LRATD1: variants seen among roughly 807,000 people sequenced by gnomAD.
LRATD1 encodes protein LRATD1.
Under a neutral mutation model 21.3 loss-of-function variants are expected in LRATD1, and 8 were observed. The ratio of observed to expected loss-of-function variants is 0.38; its 90% CI spans 0.22 to 0.68. The LOEUF is 0.68. LRATD1 is among the 30% of genes least tolerant of loss of function. LRATD1 has a pLI of 0.54. For missense variants in LRATD1, 380 were observed against 404.0 expected (o/e 0.94, Z 0.51); for synonymous variants, 210 against 186.2 (o/e 1.13, Z -1.04).
rs752120929 is a variant in LRATD1, at chr2:14,640,026, G to A, written c.*5168G>A. ...GCTTTTAGCAGAGAAAACAATAAAA[G>A]AATCCAGGAAAAGTAGAAAATGTTC... On this transcript the variant is annotated 3_prime_UTR_variant, in exon 2 of 2. Transcript: ENST00000295092. The A allele has an allele frequency of 1.3e-4, 22 of 167,078 alleles. No individual in the cohort carries two copies. Among genetic ancestry groups the A allele is most frequent in the Non-Finnish European group, 2.9e-5 (2 of 68,096 alleles). The allele number at this position is 167,078 out of a possible 1,614,324, so 10.3% of individuals were successfully genotyped here.
In LRATD1 at chr2:14,633,903, C is replaced by T. The variant is rs1671610773; in HGVS notation, c.-36-41C>T. 5 of 1,521,852 alleles carry T rather than the reference C, an allele frequency of 3.3e-6. No homozygotes were observed. The South Asian group carries it at 5.2e-5, about 16-fold the overall frequency. The allele number at this position is 1,521,852 out of a possible 1,614,324, so 94.3% of individuals were successfully genotyped here. A position where few individuals can be genotyped will look rare whatever the true frequency, so the allele number is the denominator to read the frequency against. The stretch of plus-strand genomic sequence containing the variant: ...GGGGAGGGACACCGAAAGGGGCAGC[C>T]CGGACTCTGACGGTGTCTCTGCCTC... On this transcript the variant is annotated intron_variant, in intron 1 of 1. Transcript: ENST00000295092. This position sits in a 1 kb window ranked among gnomAD's most constrained non-coding sequence, Gnocchi z 7.5.
chr2:14,634,959 C>A lies in LRATD1; in HGVS notation c.*101C>A. The A allele has an allele frequency of 7.1e-7, 1 of 1,408,504 alleles. No individual in the cohort carries two copies. Among genetic ancestry groups the A allele is most frequent in the African/African-American group, 1.4e-5 (1 of 69,380 alleles). 87.3% of individuals were successfully genotyped at this position (1,408,504 alleles called of 1,614,324 possible). ...TCAGCGGTTCTCAACCTCTGCCCCG[C>A]CCCGCCACGCGCGTCCGCCGCCGGT... On this transcript the variant is annotated 3_prime_UTR_variant, in exon 2 of 2. Coordinates refer to ENST00000295092, the MANE Select transcript of LRATD1 (RefSeq NM_145175.4).
In LRATD1 at chr2:14,634,725, T is replaced by G. The variant is rs781465760; in HGVS notation, c.746T>G (p.Leu249Arg). Residue 249 changes from leucine to arginine, a missense_variant, in exon 2 of 2, where the codon CTG (leucine) becomes CGG (arginine). By Grantham distance (102) the Leu-to-Arg change is moderately radical. Transcript: ENST00000295092. ...PQQQYYLKVHLGENKVHTARF... is the reference protein window; with the variant it reads ...PQQQYYLKVHRGENKVHTARF... ...CAGCAGTACTATCTCAAGGTGCACC[T>G]GGGAGAGAACAAGGTCCACACCGCC... is the stretch of plus-strand genomic sequence containing the variant. 3.8e-6 allele frequency: 6 copies of G among 1,559,736 alleles called. No individual in the cohort carries two copies. The South Asian group carries it at 5.9e-5, about 15-fold the overall frequency.
At position 14,633,673 on chromosome 2, in the gene LRATD1, GC is replaced by G. The variant is rs967777962; in HGVS notation, c.-36-269del. 5.3e-6 allele frequency: 2 copies of G among 376,068 alleles called. No homozygotes were observed. The highest frequency in any genetic ancestry group is 4.0e-5 in the African/African-American group (2 of 49,786). 23.3% of individuals were successfully genotyped at this position (376,068 alleles called of 1,614,324 possible). On this transcript the variant is annotated intron_variant, in intron 1 of 1. Transcript: ENST00000295092. The surrounding 1 kb of genome is among the most constrained non-coding windows in gnomAD (Gnocchi z 7.5). ...CCACCGGGACCCCGCAAGCTCTCCA[GC>G]CAGCCTGGGTGTTTTCTTCTGGGAG... is the stretch of plus-strand genomic sequence containing the variant.
exon 3 of LRATD1, chr2:14,646,171 G>A (rs1008207705): frequency 3.9e-5 from 6 of 152,186 alleles, no homozygotes; most frequent in African/African-American, 1.2e-4. Flanking sequence ...GTAGTGGCCA[G>A]TTAATGAAGA....
chr2:14,649,663 C>A (rs1671968330), downstream of LRATD1: 3 of 261,054 alleles, frequency 1.1e-5, no homozygotes, highest in Admixed American at 1.3e-4. Flanking sequence ...TTGTGCTAGG[C>A]CTGAGGTGAG....
downstream of LRATD1, among the ~76,000 whole-genome samples, chr2:14,640,389 T>C (rs142866346): frequency 2.0e-5 from 3 of 152,322 alleles, no homozygotes; most frequent in Non-Finnish European, 4.4e-5. Context: ...TGAACATGAG[T>C]TCTGAACTTT....
At chr2:14,647,677 C>G (rs1671918831) in intron 4 of LRATD1, among the ~76,000 whole-genome samples, 1 of 152,170 alleles carries the variant, frequency 6.6e-6, no homozygotes, top group Non-Finnish European at 1.5e-5. Flanking sequence ...GAGAATATAG[C>G]AATCTGTAAC....
In LRATD1 at chr2:14,639,015, A is replaced by C. The variant is rs1671753199; in HGVS notation, c.*4157A>C. 1 of 166,782 alleles carries C rather than the reference A, an allele frequency of 6.0e-6. No individual in the cohort carries two copies. Among genetic ancestry groups the C allele is most frequent in the African/African-American group, 2.4e-5 (1 of 41,392 alleles). 10.3% of individuals were successfully genotyped at this position (166,782 alleles called of 1,614,324 possible). ...ACATATGTACATTTACACATATGTAAGTATACACTCATATACATATATACA... is the reference window on the plus strand; with the variant it reads ...ACATATGTACATTTACACATATGTACGTATACACTCATATACATATATACA... On this transcript the variant is annotated 3_prime_UTR_variant, in exon 2 of 2. Transcript: ENST00000295092.
chr2:14,644,755 G>A (rs1380116785), downstream of LRATD1, among the ~76,000 whole-genome samples: 1 of 152,028 alleles, frequency 6.6e-6, no homozygotes, highest in Non-Finnish European at 1.5e-5. Context: ...CTCACCCAAG[G>A]AGAGAGGCCG....
At position 14,633,351 on chromosome 2, in the gene LRATD1, GGTGTAT is replaced by G. The variant is rs1272731550; in HGVS notation, c.-37+418_-37+423del. Among the ~76,000 whole-genome samples the G allele has an allele frequency of 6.6e-6, 1 of 152,150 alleles. No homozygotes were observed. The highest frequency in any genetic ancestry group is 6.5e-5 in the Admixed American group (1 of 15,278). On this transcript the variant is annotated intron_variant, in intron 1 of 1. Coordinates refer to ENST00000295092, the MANE Select transcript of LRATD1 (RefSeq NM_145175.4). This position sits in a 1 kb window ranked among gnomAD's most constrained non-coding sequence, Gnocchi z 7.5. ...GTCGTCGCGAAGGTTTGTCATTGTG[GGTGTAT>G]GTGACATACACCAGTATACCAGGCT...
chr2:14,639,017 T>C lies in LRATD1; in HGVS notation c.*4159T>C, dbSNP rs1292856892. On this transcript the variant is annotated 3_prime_UTR_variant, in exon 2 of 2. Coordinates refer to ENST00000295092, the MANE Select transcript of LRATD1 (RefSeq NM_145175.4). ...ATATGTACATTTACACATATGTAAGTATACACTCATATACATATATACACA... is the reference window on the plus strand; with the variant it reads ...ATATGTACATTTACACATATGTAAGCATACACTCATATACATATATACACA... The C allele has an allele frequency of 6.0e-6, 1 of 166,826 alleles. No individual in the cohort carries two copies. Among genetic ancestry groups the C allele is most frequent in the Non-Finnish European group, 1.5e-5 (1 of 68,080 alleles). The allele number at this position is 166,826 out of a possible 1,614,324, so 10.3% of individuals were successfully genotyped here. A position where few individuals can be genotyped will look rare whatever the true frequency, so the allele number is the denominator to read the frequency against.
chr2:14,642,377 C>A (rs2103412052), downstream of LRATD1, among the ~76,000 whole-genome samples: 1 of 152,214 alleles, frequency 6.6e-6, no homozygotes, highest in South Asian at 2.1e-4. Context: ...ATAGATTTTT[C>A]TCCTCTTGGT....
rs1671689963 is a variant in LRATD1, at chr2:14,636,433, TG to T, written c.*1577del. On this transcript the variant is annotated 3_prime_UTR_variant, in exon 2 of 2. Coordinates refer to ENST00000295092, the MANE Select transcript of LRATD1 (RefSeq NM_145175.4). Reference sequence around the variant, plus strand: ...TTGGTGGCTTTTTCCCCCTCCTCTTTGGCCAGTTCCACAGTTCAGTTCTTCC... The same window carrying T: ...TTGGTGGCTTTTTCCCCCTCCTCTTTGCCAGTTCCACAGTTCAGTTCTTCC... The T allele has an allele frequency of 6.0e-6, 1 of 167,166 alleles. No homozygotes were observed. Among genetic ancestry groups the T allele is most frequent in the Non-Finnish European group, 1.5e-5 (1 of 68,144 alleles). The allele number at this position is 167,166 out of a possible 1,614,324, so 10.4% of individuals were successfully genotyped here.
At chr2:14,650,012 C>G (rs1483876042), downstream of LRATD1, 2 of 152,604 alleles carry the variant, frequency 1.3e-5, no homozygotes, top group Non-Finnish European at 2.9e-5. Context: ...TCTGCTGGCA[C>G]CTTGATCTTG....
rs116113974 is a variant in LRATD1 at position 14,646,842 on chromosome 2, C to T, written n.436+377C>T. 6.0e-3 allele frequency among the ~76,000 whole-genome samples: 921 copies of T among 152,294 alleles called. 2 individuals carry two copies. The highest frequency in any genetic ancestry group is 0.034 in the Middle Eastern group (10 of 294). On this transcript the variant is annotated intron_variant and non_coding_transcript_variant, in intron 4 of 5. Transcript: ENST00000464947. ...CTGCAGTAAAACAAGTTACCCATGA[C>T]CATTCTCATTAAAACATATCTGGTA...
At position 14,635,355 on chromosome 2, in the gene LRATD1, G is replaced by T; in HGVS notation, c.*497G>T. 2.1e-6 allele frequency: 1 copy of T among 475,438 alleles called. No individual in the cohort carries two copies. The allele number at this position is 475,438 out of a possible 1,614,324, so 29.5% of individuals were successfully genotyped here. On this transcript the variant is annotated 3_prime_UTR_variant, in exon 2 of 2. Transcript: ENST00000295092. ...TCTGTGGATGCGTCCCCAGATCGCA[G>T]GATTTCCAAGAAATCGAGCCTGTCC... is the stretch of plus-strand genomic sequence containing the variant.
At position 14,634,391 on chromosome 2, in the gene LRATD1, C is replaced by T. The variant is rs1671630975; in HGVS notation, c.412C>T (p.Pro138Ser). 2 of 1,538,892 alleles carry T rather than the reference C, an allele frequency of 1.3e-6. No homozygotes were observed. Among genetic ancestry groups the T allele is most frequent in the African/African-American group, 2.7e-5 (2 of 73,234 alleles). ...LLWLQPAPEP[P>S]APAPHWAVYV... ...GTGGCTGCAGCCCGCGCCGGAGCCG[C>T]CCGCGCCCGCCCCGCACTGGGCCGT... The change falls in exon 2 of 2, where the codon CCC becomes TCC. Residue 138 changes from proline (P) to serine (S), a missense_variant. Coordinates refer to ENST00000295092, the MANE Select transcript of LRATD1 (RefSeq NM_145175.4).
At position 14,633,635 on chromosome 2, in the gene LRATD1, A is replaced by C; in HGVS notation, c.-36-309A>C. On this transcript the variant is annotated intron_variant, in intron 1 of 1. Coordinates refer to ENST00000295092, the MANE Select transcript of LRATD1 (RefSeq NM_145175.4). This position sits in a 1 kb window ranked among gnomAD's most constrained non-coding sequence, Gnocchi z 7.5. ...GTCCGTCTCCCACACTGCCACAGCC[A>C]GCACTCTCCTCCCCACCGGGACCCC... 1 of 293,874 alleles carries C rather than the reference A, an allele frequency of 3.4e-6. No individual in the cohort carries two copies. Among genetic ancestry groups the C allele is most frequent in the Non-Finnish European group, 6.4e-6 (1 of 155,276 alleles). 18.2% of individuals were successfully genotyped at this position (293,874 alleles called of 1,614,324 possible). A position where few individuals can be genotyped will look rare whatever the true frequency, so the allele number is the denominator to read the frequency against.
Sources: gnomAD v4.1 joint callset for allele counts (sites outside exome capture counted in the v4.1 genomes callset) on GRCh38, gnomAD v4.1.1 for gene constraint, Gnocchi (gnomAD v3.1) non-coding constraint, MANE v1.5 for transcripts, NCBI Gene and HGNC (gene_info 2026-07-23, HGNC 2026-07-21) for gene names.